Variants in FAXDC2 observed in about 807,000 individuals in gnomAD.
FAXDC2 encodes the protein fatty acid hydroxylase domain-containing protein 2.
FAXDC2 carries 41 observed loss-of-function variants against 40.9 expected under a neutral mutation model. That is an observed-to-expected ratio of 1.00 (90% CI 0.78 to 1.30). FAXDC2 has a LOEUF of 1.30. Ranked by LOEUF, FAXDC2 falls within the 50% of genes most tolerant of loss-of-function variation. FAXDC2 has a pLI of 0.00. For missense variants in FAXDC2, 390 were observed against 408.8 expected (o/e 0.95, Z 0.40); for synonymous variants, 157 against 149.3 (o/e 1.05, Z -0.38).
At chr5:154,840,099 C>G (rs1350148759) in intron 1 of FAXDC2, among the ~76,000 whole-genome samples, 1 of 152,132 alleles carries the variant, frequency 6.6e-6, no homozygotes, top group Non-Finnish European at 1.5e-5. Context: ...GGCTTAGGAC[C>G]CAGGTTCCAG....
chr5:154,825,052 T>A, intron 5 of FAXDC2, among the ~76,000 whole-genome samples: 1 of 108,822 alleles, frequency 9.2e-6, no homozygotes, highest in African/African-American at 3.7e-5. Context: ...TGAGACCCAA[T>A]CTTGTTAAAA....
chr5:154,844,261 C>G (rs1231185603), intron 1 of FAXDC2, among the ~76,000 whole-genome samples: 3 of 151,250 alleles, frequency 2.0e-5, no homozygotes, highest in African/African-American at 7.3e-5. Flanking sequence ...GAGACCCTGT[C>G]CCTACAAAAA....
At chr5:154,848,051 G>T (rs556691627) in intron 1 of FAXDC2, among the ~76,000 whole-genome samples, 1 of 152,030 alleles carries the variant, frequency 6.6e-6, no homozygotes, top group Non-Finnish European at 1.5e-5. Context: ...ATGTTAGCCA[G>T]GATGGTCTTG....
chr5:154,848,684 C>G (rs1160153035), intron 1 of FAXDC2, among the ~76,000 whole-genome samples: 1 of 151,974 alleles, frequency 6.6e-6, no homozygotes, highest in African/African-American at 2.4e-5. Flanking sequence ...AGATGAAATG[C>G]GGCCAGGAGC....
intron 2 of FAXDC2, chr5:154,836,132 A>G (rs1760342396): frequency 6.6e-6 from 1 of 151,372 alleles, no homozygotes; most frequent in Admixed American, 6.6e-5. Flanking sequence ...TCTAAACCTC[A>G]AGCAATTCAC....
chr5:154,838,061 C>T, intron 2 of FAXDC2, 70 bp downstream of exon 2: 1 of 1,007,558 alleles, frequency 9.9e-7, no homozygotes. Context: ...GGATGCATAG[C>T]AAGTGCAGCT....
Position 154,835,452 on chromosome 5 carries a change from C to T in FAXDC2, c.49-518G>A, listed in dbSNP as rs76467271. On this transcript the variant is annotated intron_variant, in intron 2 of 8. Transcript: ENST00000326080. ...GTCATCATAGCAGCATCTGCCAAAA[C>T]CATGATGAGGAAATCCTTTCCCAGT... Among the ~76,000 whole-genome samples the T allele has an allele frequency of 7.9e-3, 1,207 of 152,332 alleles. 9 individuals are homozygous for T. Among genetic ancestry groups the T allele is most frequent in the Middle Eastern group, 0.014 (4 of 294 alleles).
chr5:154,843,376 C>T (rs1183811791), intron 1 of FAXDC2, among the ~76,000 whole-genome samples: 1 of 152,184 alleles, frequency 6.6e-6, no homozygotes, highest in Non-Finnish European at 1.5e-5. Context: ...CTTCCAAAAA[C>T]ATTTACGAAC....
chr5:154,844,089 G>T (rs1377339673), intron 1 of FAXDC2, among the ~76,000 whole-genome samples: 2 of 151,932 alleles, frequency 1.3e-5, no homozygotes, highest in Non-Finnish European at 2.9e-5. Context: ...CATGGTGGCG[G>T]GTGCCTGTAA....
chr5:154,828,163 A>T (rs1760091868), intron 5 of FAXDC2, among the ~76,000 whole-genome samples: 1 of 148,324 alleles, frequency 6.7e-6, no homozygotes, highest in South Asian at 2.1e-4. Context: ...TTATTTATTT[A>T]TTTTTCTTTT....
intron 1 of FAXDC2, among the ~76,000 whole-genome samples, chr5:154,847,483 CTTTCTTTTTTTTTTT>C (rs1173426290): frequency 1.4e-5 from 2 of 144,596 alleles, no homozygotes. Flanking sequence ...TTCTTTCTTT[CTTTCTTTTTTTTTTT>C]TTTTTTGAGA....
At chr5:154,843,566 G>A (rs927066799) in intron 1 of FAXDC2, among the ~76,000 whole-genome samples, 1 of 152,198 alleles carries the variant, frequency 6.6e-6, no homozygotes, top group East Asian at 1.9e-4. Context: ...TCTATAGGAA[G>A]ACAATGTCCA....
In FAXDC2 at chr5:154,823,184, T is replaced by A. The variant is rs550401915; in HGVS notation, c.572+203A>T. 289 of 563,164 alleles carry A rather than the reference T, an allele frequency of 5.1e-4. 4 individuals carry two copies. In the South Asian group the frequency reaches 5.6e-3, roughly 11 times the overall value. The allele number at this position is 563,164 out of a possible 1,614,324, so 34.9% of individuals were successfully genotyped here. On this transcript the variant is annotated intron_variant, in intron 6 of 8. Coordinates refer to ENST00000326080, the MANE Select transcript of FAXDC2 (RefSeq NM_032385.5). ...ACACCACCATGCCTGGCTAATTTTT[T>A]AAATTTTTTTGTAGAGACGGGGTCT...
intron 4 of FAXDC2, 69 bp from the exon 5 acceptor site, chr5:154,830,991 AC>A (rs1760174919): frequency 1.3e-6 from 2 of 1,578,976 alleles, no homozygotes; most frequent in South Asian, 2.2e-5. Flanking sequence ...AACAGAACAT[AC>A]TTTTTTGTGG....
chr5:154,831,047 A>T, intron 4 of FAXDC2, 125 bp from the exon 5 acceptor site: 1 of 1,199,876 alleles, frequency 8.3e-7, no homozygotes, highest in Admixed American at 1.9e-5. Context: ...GGGAGGTCTT[A>T]GGGCTTGGGA....
chr5:154,822,374 A>G (rs1300507290), intron 7 of FAXDC2, 98 bp downstream of exon 7: 4 of 795,716 alleles, frequency 5.0e-6, no homozygotes, highest in African/African-American at 1.7e-5. Context: ...AATGGGAAGA[A>G]AAAGGGCCGG....
intron 1 of FAXDC2, among the ~76,000 whole-genome samples, chr5:154,845,789 A>AT (rs58726575): frequency 0.052 from 6,988 of 134,544 alleles, 294 homozygotes; most frequent in African/African-American, 0.13. Context: ...TTGGACACCT[A>AT]TTTTTTTTTT....
intron 4 of FAXDC2, 104 bp from the exon 5 acceptor site, chr5:154,831,026 T>C: frequency 7.0e-7 from 1 of 1,438,744 alleles, no homozygotes; most frequent in Non-Finnish European, 9.5e-7. Context: ...ATCCTAGACA[T>C]TTCTTTGCCA....
chr5:154,826,527 T>TAAAA (rs764669604), intron 5 of FAXDC2, among the ~76,000 whole-genome samples: 2 of 101,520 alleles, frequency 2.0e-5, no homozygotes, highest in Non-Finnish European at 2.1e-5. Context: ...AGACTGTCTC[T>TAAAA]AAAAAAAAAA....
Sources: gnomAD v4.1 joint callset for allele counts (sites outside exome capture counted in the v4.1 genomes callset) on GRCh38, gnomAD v4.1.1 for gene constraint, MANE v1.5 for transcripts, NCBI Gene and HGNC (gene_info 2026-07-23, HGNC 2026-07-21) for gene names.